Variants in DOCK4 observed in about 807,000 individuals in gnomAD.
DOCK4 encodes dedicator of cytokinesis 4.
Under a neutral mutation model 268.1 loss-of-function variants are expected in DOCK4, and 97 were observed. The observed-to-expected ratio is 0.36, with a 90% CI of 0.31 to 0.43. The LOEUF is 0.43. Among genes scored for constraint, DOCK4 ranks in the 20% least tolerant of loss-of-function variants. The probability of loss-of-function intolerance (pLI) is 1.00; values close to 1 mark genes in which losing one functional copy is unlikely to be tolerated. For missense variants in DOCK4, 2,145 were observed against 2,455.7 expected (o/e 0.87, Z 2.67); for synonymous variants, 954 against 887.2 (o/e 1.08, Z -1.34).
rs117877784 is a variant in DOCK4 at position 112,191,752 on chromosome 7, C to T, written c.37+14350G>A. On this transcript the variant is annotated intron_variant, in intron 1 of 52. Coordinates refer to ENST00000428084, the MANE Select transcript of DOCK4 (RefSeq NM_001363540.2). ...ATCTCAGCCCTTCACAGGTGGGTCC[C>T]CTGCAACAAATTACTGGCCCTCTCT... Among the ~76,000 whole-genome samples, 139 of 151,986 alleles carry T rather than the reference C, an allele frequency of 9.1e-4. 3 individuals carry two copies. The East Asian group carries it at 0.024, about 26-fold the overall frequency.
intron 34 of DOCK4, among the ~76,000 whole-genome samples, chr7:111,783,571 T>A (rs1798941415): frequency 6.6e-6 from 1 of 151,842 alleles, no homozygotes; most frequent in Admixed American, 6.6e-5. Context: ...AATAAAGATT[T>A]TTTTTTTTTT....
chr7:111,914,615 G>A (rs1792430709), intron 13 of DOCK4, among the ~76,000 whole-genome samples: 1 of 152,010 alleles, frequency 6.6e-6, no homozygotes, highest in South Asian at 2.1e-4. Flanking sequence ...CCTCTTATCT[G>A]CACGGCTTCC....
intron 35 of DOCK4, among the ~76,000 whole-genome samples, chr7:111,778,638 A>AATC (rs1436697198): frequency 6.6e-6 from 1 of 152,224 alleles, no homozygotes; most frequent in Non-Finnish European, 1.5e-5. Flanking sequence ...GTCAATGAAC[A>AATC]ATCAGCCTGT....
At chr7:111,737,239 TAATAA>T (rs1161099907) in intron 49 of DOCK4, among the ~76,000 whole-genome samples, 1 of 152,198 alleles carries the variant, frequency 6.6e-6, no homozygotes, top group African/African-American at 2.4e-5. Flanking sequence ...TAAATGTTCA[TAATAA>T]AATGTAAAAA....
chr7:112,053,949 C>T (rs987603966), intron 1 of DOCK4, among the ~76,000 whole-genome samples: 4 of 152,104 alleles, frequency 2.6e-5, no homozygotes, highest in Admixed American at 1.3e-4. Context: ...CTGAGCTTCT[C>T]GAACTCCCAC....
At chr7:111,948,847 C>T (rs967100356) in intron 8 of DOCK4, among the ~76,000 whole-genome samples, 7 of 151,104 alleles carry the variant, frequency 4.6e-5, no homozygotes, top group African/African-American at 1.7e-4. Context: ...TCCCAAAGTG[C>T]TGGGATTACA....
At chr7:111,969,292 A>G (rs1586528456) in intron 8 of DOCK4, among the ~76,000 whole-genome samples, 2 of 151,568 alleles carry the variant, frequency 1.3e-5, no homozygotes, top group Admixed American at 1.3e-4. Flanking sequence ...TTATGGCTCC[A>G]GCTTCCAATT....
chr7:111,864,489 G>T (rs752754500), intron 22 of DOCK4, among the ~76,000 whole-genome samples: 1 of 152,294 alleles, frequency 6.6e-6, no homozygotes, highest in East Asian at 1.9e-4. Flanking sequence ...GTACCAATGA[G>T]ATCTGACTCC....
chr7:111,832,811 C>G (rs536115758), intron 26 of DOCK4, among the ~76,000 whole-genome samples: 1 of 152,188 alleles, frequency 6.6e-6, no homozygotes, highest in African/African-American at 2.4e-5. Context: ...TGAGCCACGG[C>G]GCCCCGCCAG....
chr7:112,073,195 T>C (rs559091290), intron 1 of DOCK4, among the ~76,000 whole-genome samples: 81 of 152,242 alleles, frequency 5.3e-4, no homozygotes, highest in Non-Finnish European at 8.4e-4. Flanking sequence ...ATTTTGTCTA[T>C]GTCCCTCTAT....
At chr7:112,124,716 T>C (rs1308747245) in intron 1 of DOCK4, among the ~76,000 whole-genome samples, 2 of 152,240 alleles carry the variant, frequency 1.3e-5, no homozygotes, top group African/African-American at 4.8e-5. Flanking sequence ...ATCAACTGTC[T>C]AGCGCAGTGC....
chr7:111,728,273 C>G lies in DOCK4; in HGVS notation c.*1G>C, dbSNP rs1320655237. 24 of 1,487,054 alleles carry G rather than the reference C, an allele frequency of 1.6e-5. No individual in the cohort carries two copies. The highest frequency in any genetic ancestry group is 2.1e-5 in the Non-Finnish European group (23 of 1,118,390). The allele number at this position is 1,487,054 out of a possible 1,614,324, so 92.1% of individuals were successfully genotyped here. Reference sequence around the variant, plus strand: ...GCATCGCAGGTACATAGAAAAGTGACTTATAACTGAGAGACCTTGCGGGGC... The same window carrying G: ...GCATCGCAGGTACATAGAAAAGTGAGTTATAACTGAGAGACCTTGCGGGGC... On this transcript the variant is annotated 3_prime_UTR_variant, in exon 53 of 53. Transcript: ENST00000428084.
chr7:111,781,042 T>C (rs983430977), intron 35 of DOCK4, among the ~76,000 whole-genome samples: 1 of 152,178 alleles, frequency 6.6e-6, no homozygotes, highest in South Asian at 2.1e-4. Context: ...CTAGAGTAAA[T>C]ACATTAAAGG....
chr7:111,831,778 C>T (rs1047584301), intron 26 of DOCK4, among the ~76,000 whole-genome samples: 11 of 152,152 alleles, frequency 7.2e-5, no homozygotes, highest in Non-Finnish European at 1.6e-4. Context: ...CATGAGGTAC[C>T]GTGTCTGGCC....
At chr7:112,065,154 A>G (rs1287532673) in intron 1 of DOCK4, among the ~76,000 whole-genome samples, 2 of 152,166 alleles carry the variant, frequency 1.3e-5, no homozygotes, top group Non-Finnish European at 2.9e-5. Context: ...TTGTTGAGTA[A>G]CTAATTAAAA....
At chr7:111,870,389 C>T (rs904589809) in intron 20 of DOCK4, among the ~76,000 whole-genome samples, 1 of 145,562 alleles carries the variant, frequency 6.9e-6, no homozygotes, top group Non-Finnish European at 1.5e-5. Context: ...AGTGGCTTGG[C>T]TCACCGCAAC....
At chr7:111,739,594 C>T in intron 47 of DOCK4, 117 bp from the exon 48 acceptor site, 1 of 815,414 alleles carries the variant, frequency 1.2e-6, no homozygotes, top group Non-Finnish European at 2.0e-6. Context: ...GTCCGTTTAA[C>T]AATATAGAAA....
intron 7 of DOCK4, among the ~76,000 whole-genome samples, chr7:111,980,132 A>C (rs1353517806): frequency 6.6e-6 from 1 of 152,198 alleles, no homozygotes; most frequent in African/African-American, 2.4e-5. Flanking sequence ...TGTTCTTTGA[A>C]TACATGCTAG....
At chr7:111,747,104 T>A (rs1210040976) in intron 43 of DOCK4, among the ~76,000 whole-genome samples, 163 bp downstream of exon 43, 1 of 152,200 alleles carries the variant, frequency 6.6e-6, no homozygotes, top group Non-Finnish European at 1.5e-5. Context: ...TACTGGGCAA[T>A]TACAAATGAC....
Sources: allele counts gnomAD v4.1 joint callset (sites outside exome capture counted in the v4.1 genomes callset), GRCh38; gene constraint gnomAD v4.1.1; transcripts MANE v1.5; gene names NCBI Gene and HGNC (gene_info 2026-07-23, HGNC 2026-07-21).